The following MYOF variants were observed in gnomAD, a reference collection of about 807,000 sequenced individuals.
The protein encoded by MYOF is fer-1-like 3, myoferlin.
Under a neutral mutation model 284.2 loss-of-function variants are expected in MYOF, and 244 were observed. The observed-to-expected ratio is 0.86, with a 90% confidence interval of 0.77 to 0.95. The LOEUF (loss-of-function observed/expected upper bound fraction) is 0.95. Among genes scored for constraint, MYOF ranks in the 40% least tolerant of loss-of-function variants. MYOF has a pLI of 0.00. For missense variants in MYOF, 2,496 were observed against 2,560.6 expected (o/e 0.97, Z 0.54); for synonymous variants, 904 against 919.7 (o/e 0.98, Z 0.31).
chr10:93,426,212 A>T, intron 4 of MYOF, 54 bp from the exon 5 acceptor site: 1 of 1,520,754 alleles, frequency 6.6e-7, no homozygotes. Flanking sequence ...CCAGCATGTT[A>T]TAGACTCAAT....
At position 93,306,587 on chromosome 10, in the gene MYOF, T is replaced by C. The variant is rs1842106803; in HGVS notation, c.*376A>G. The C allele has an allele frequency of 5.0e-6, 1 of 201,386 alleles. No individual in the cohort carries two copies. 12.5% of individuals were successfully genotyped at this position (201,386 alleles called of 1,614,324 possible). A position where few individuals can be genotyped will look rare whatever the true frequency, so the allele number is the denominator to read the frequency against. ...CAGCTCTTTCAGTTGATTACAAATA[T>C]GAAGTATATCACCTCAGGATGCAGA... On this transcript the variant is annotated 3_prime_UTR_variant, in exon 54 of 54. Coordinates refer to ENST00000359263, the MANE Select transcript of MYOF (RefSeq NM_013451.4).
At position 93,426,299 on chromosome 10, in the gene MYOF, G is replaced by T. The variant is rs1848587335; in HGVS notation, c.346-141C>A. On this transcript the variant is annotated intron_variant, in intron 4 of 53. Transcript: ENST00000359263. The stretch of plus-strand genomic sequence containing the variant: ...GTAGGTAAGCGAGGCTGGAAACGGG[G>T]AGAGGGACACAAGCTCGACTGTTCC... The T allele has an allele frequency of 5.2e-6, 4 of 775,600 alleles. No individual in the cohort carries two copies. In the East Asian group the frequency reaches 1.1e-4, roughly 22 times the overall value. The allele number at this position is 775,600 out of a possible 1,614,324, so 48.0% of individuals were successfully genotyped here.
chr10:93,448,802 C>G (rs1048685903), intron 3 of MYOF, among the ~76,000 whole-genome samples: 4 of 152,186 alleles, frequency 2.6e-5, no homozygotes, highest in African/African-American at 9.7e-5. Flanking sequence ...TGAGACCAGC[C>G]TGGCCAACAT....
intron 27 of MYOF, 70 bp from the exon 28 acceptor site, chr10:93,361,627 T>A: frequency 2.1e-6 from 3 of 1,417,678 alleles, no homozygotes; most frequent in Non-Finnish European, 3.0e-6. Flanking sequence ...AAGGGTCCAA[T>A]ATAGTTCCTC....
intron 3 of MYOF, among the ~76,000 whole-genome samples, chr10:93,447,374 G>A (rs947075252): frequency 3.9e-5 from 6 of 152,062 alleles, no homozygotes; most frequent in African/African-American, 1.4e-4. Context: ...TTACCGATAA[G>A]ACATTGAGGC....
intron 32 of MYOF, among the ~76,000 whole-genome samples, chr10:93,352,057 T>C (rs145645686): frequency 6.6e-6 from 1 of 152,276 alleles, no homozygotes; most frequent in Non-Finnish European, 1.5e-5. Context: ...TGATGTGTAC[T>C]GAGAGGTCAC....
At chr10:93,317,425 C>T (rs1842660028) in intron 49 of MYOF, among the ~76,000 whole-genome samples, 1 of 151,832 alleles carries the variant, frequency 6.6e-6, no homozygotes, top group African/African-American at 2.4e-5. Context: ...TTACTTAAGG[C>T]CAGGAGTTTG....
chr10:93,378,538 A>G (rs1026013136), intron 21 of MYOF, among the ~76,000 whole-genome samples: 2 of 151,646 alleles, frequency 1.3e-5, no homozygotes, highest in African/African-American at 4.8e-5. Context: ...CTGAAACCCC[A>G]TATGTTTTGG....
At chr10:93,398,265 A>T (rs75268943) in intron 13 of MYOF, among the ~76,000 whole-genome samples, 58,116 of 151,854 alleles carry the variant, frequency 0.38, 11,847 homozygotes, top group East Asian at 0.68. Flanking sequence ...TCCCTCCCCA[A>T]TCTCTGCATA....
rs1368150779 is a variant in MYOF at position 93,380,135 on chromosome 10, A to T, written c.1877-148T>A. The T allele has an allele frequency of 3.0e-6, 3 of 992,792 alleles. No homozygotes were observed. The African/African-American group carries it at 4.9e-5, about 16-fold the overall frequency. 61.5% of individuals were successfully genotyped at this position (992,792 alleles called of 1,614,324 possible). On this transcript the variant is annotated intron_variant, in intron 20 of 53. Transcript: ENST00000359263. ...TCTGGTTCTTTAATTTGACTCAATT[A>T]AGCAACTGAAGACTAGGAAGCTCTT...
intron 53 of MYOF, among the ~76,000 whole-genome samples, chr10:93,308,052 G>A (rs1330043737): frequency 6.7e-6 from 1 of 150,296 alleles, no homozygotes; most frequent in Non-Finnish European, 1.5e-5. Context: ...AGACCAGCCT[G>A]GCCAACATGG....
rs370636726 is a variant in MYOF at position 93,333,815 on chromosome 10, C to T, written c.4662G>A (p.Thr1554=). 92 of 1,614,052 alleles carry T rather than the reference C, an allele frequency of 5.7e-5. No homozygotes were observed. The highest frequency in any genetic ancestry group is 4.5e-4 in the East Asian group (20 of 44,890). ...AGCCTCGAACAATGTAAATCCTAAC[C>T]GTGCATTCCTGTGGGACGCTGTCAG... is the stretch of plus-strand genomic sequence containing the variant. ...ELPDSVPQEC[T]VRIYIVRGLE... is the part of the protein sequence containing the mutation. Residue 1554 remains threonine (T), a synonymous_variant, in exon 42 of 54, where the codon ACG becomes ACA. Transcript: ENST00000359263.
At chr10:93,394,886 T>C (rs557398550) in intron 16 of MYOF, among the ~76,000 whole-genome samples, 1 of 150,976 alleles carries the variant, frequency 6.6e-6, no homozygotes, top group Admixed American at 6.6e-5. Flanking sequence ...TACATACATA[T>C]AGTGTGTATA....
chr10:93,387,483 A>T (rs1846436889), intron 19 of MYOF, among the ~76,000 whole-genome samples: 1 of 152,200 alleles, frequency 6.6e-6, no homozygotes, highest in South Asian at 2.1e-4. Context: ...GCCACCTCTG[A>T]AAATGGAAAT....
rs1485774799 is a variant in MYOF, at chr10:93,401,526, C to T, written c.1009G>A (p.Asp337Asn). ...CTCTCCACATCATCACTGTCATTAT[C>T]ACGATCTCGTCTCTCAGGCTATTAG... is the stretch of plus-strand genomic sequence containing the variant. ...DEPPPERRDR[D>N]NDSDDVESNL... is the part of the protein sequence containing the mutation. The change falls in exon 12 of 54, where the codon GAT becomes AAT. Residue 337 changes from aspartate to asparagine, a missense_variant. This residue lies in a region of MYOF where 2,436 missense variants were observed against 2,480.7 expected (regional missense o/e 0.98). Coordinates refer to ENST00000359263, the MANE Select transcript of MYOF (RefSeq NM_013451.4). The T allele has an allele frequency of 6.2e-7, 1 of 1,614,082 alleles. No individual in the cohort carries two copies. The highest frequency in any genetic ancestry group is 1.7e-5 in the Admixed American group (1 of 60,014).
chr10:93,458,872 T>C (rs759608834), intron 1 of MYOF, among the ~76,000 whole-genome samples: 2 of 152,164 alleles, frequency 1.3e-5, no homozygotes, highest in Non-Finnish European at 2.9e-5. Flanking sequence ...TAGGAGGTAG[T>C]GGGTTTTGTT....
chr10:93,441,632 C>T (rs2056259767), intron 3 of MYOF, among the ~76,000 whole-genome samples: 1 of 149,430 alleles, frequency 6.7e-6, no homozygotes, highest in Admixed American at 6.7e-5. Context: ...GGCACGGTCT[C>T]GGCTCACTGC....
chr10:93,481,956 C>T (rs2057387964), intron 1 of MYOF, 151 bp downstream of exon 1: 1 of 661,586 alleles, frequency 1.5e-6, no homozygotes, highest in East Asian at 2.8e-5. Flanking sequence ...TCCCCAGAAA[C>T]GGGTCCTCTC....
At chr10:93,460,499 C>A (rs1044959897) in intron 1 of MYOF, among the ~76,000 whole-genome samples, 2 of 152,246 alleles carry the variant, frequency 1.3e-5, no homozygotes, top group Non-Finnish European at 2.9e-5. Context: ...CATGGCGGCT[C>A]ACGCCTGTAA....
Sources: gnomAD v4.1 joint callset for allele counts (sites outside exome capture counted in the v4.1 genomes callset) on GRCh38, gnomAD v4.1.1 for gene constraint, gnomAD v4.1.1 regional missense constraint, MANE v1.5 for transcripts, NCBI Gene and HGNC (gene_info 2026-07-23, HGNC 2026-07-21) for gene names.